Variants in SCAPER observed in about 807,000 individuals in gnomAD.
SCAPER encodes S phase cyclin A-associated protein in the endoplasmic reticulum.
SCAPER carries 98 observed loss-of-function variants against 182.2 expected under a neutral mutation model. The ratio of observed to expected loss-of-function variants is 0.54; its 90% CI spans 0.46 to 0.64. The LOEUF (loss-of-function observed/expected upper bound fraction) is 0.64, where lower values mean the gene tolerates loss of function less well. Ranked by LOEUF, SCAPER falls within the 30% of genes least tolerant of loss-of-function variation. The pLI, the probability that SCAPER is intolerant of heterozygous loss-of-function variation, is 0.00. For synonymous variants in SCAPER, 605 were observed against 564.6 expected, an observed-to-expected ratio of 1.07 and a Z score of -1.01; for missense variants, 1,432 against 1,690.0, an observed-to-expected ratio of 0.85 and a Z score of 2.68.
rs143837258 is a variant in SCAPER, at chr15:76,805,101, G to A, written c.394-468C>T. ...TTTCAAGGTTCAACCACCTGGTAGCGTGTATCAGTACTTCATTTCTTTTTA... is the reference window on the plus strand; with the variant it reads ...TTTCAAGGTTCAACCACCTGGTAGCATGTATCAGTACTTCATTTCTTTTTA... On this transcript the variant is annotated intron_variant, in intron 5 of 31. Coordinates refer to ENST00000563290, the MANE Select transcript of SCAPER (RefSeq NM_020843.4). 5.5e-4 allele frequency among the ~76,000 whole-genome samples: 83 copies of A among 152,194 alleles called. 1 individual carries two copies. The East Asian group carries it at 0.013, about 24-fold the overall frequency.
At chr15:76,443,222 T>C (rs999748731) in intron 25 of SCAPER, among the ~76,000 whole-genome samples, 10 of 152,292 alleles carry the variant, frequency 6.6e-5, no homozygotes, top group Middle Eastern at 3.4e-3. Context: ...ATGTGTATTT[T>C]GAAAAAACTA....
intron 28 of SCAPER, 110 bp downstream of exon 28, chr15:76,381,268 A>G: frequency 1.4e-6 from 1 of 725,064 alleles, no homozygotes; most frequent in Non-Finnish European, 2.3e-6. Context: ...AATTCCATTT[A>G]TTGTAGTTTA....
chr15:76,642,044 C>T (rs2054147779), intron 21 of SCAPER, among the ~76,000 whole-genome samples: 1 of 152,038 alleles, frequency 6.6e-6, no homozygotes, highest in Non-Finnish European at 1.5e-5. Context: ...TGTTAACCTC[C>T]CAGAATTATG....
chr15:76,497,109 CTT>C (rs57202860), intron 24 of SCAPER, among the ~76,000 whole-genome samples: 7 of 86,716 alleles, frequency 8.1e-5, no homozygotes, highest in Admixed American at 2.9e-4. Context: ...TTGGTCTCCT[CTT>C]TTTTTTTTTT....
intron 8 of SCAPER, among the ~76,000 whole-genome samples, chr15:76,792,463 C>T (rs1184216870): frequency 1.3e-5 from 2 of 152,158 alleles, no homozygotes; most frequent in Non-Finnish European, 2.9e-5. Flanking sequence ...ACATGCCACT[C>T]CCATTGTTGA....
At chr15:76,506,598 G>GA (rs765803767) in intron 23 of SCAPER, among the ~76,000 whole-genome samples, 1 of 152,066 alleles carries the variant, frequency 6.6e-6, no homozygotes, top group Non-Finnish European at 1.5e-5. Flanking sequence ...ACATGTAAAA[G>GA]AAAGTGGGAA....
chr15:76,879,632 A>G (rs1228945362), intron 2 of SCAPER, among the ~76,000 whole-genome samples: 2 of 152,180 alleles, frequency 1.3e-5, no homozygotes, highest in Non-Finnish European at 2.9e-5. Flanking sequence ...ATTTTTGATG[A>G]CACTGTTGAG....
rs1005208884 is a variant in SCAPER, at chr15:76,434,266, T to G, written c.3123A>C (p.Thr1041=). 1.1e-5 allele frequency: 18 copies of G among 1,613,546 alleles called. No homozygotes were observed. The highest frequency in any genetic ancestry group is 1.5e-5 in the Non-Finnish European group (18 of 1,179,714). Residue 1041 remains threonine (T), a synonymous_variant, in exon 26 of 32, where the codon ACA becomes ACC. Transcript: ENST00000563290. ...DENNTILGRN[T]NKQVFEGLTT... is the part of the protein sequence containing the mutation. ...TCAAGCCTTCAAAAACTTGTTTATT[T>G]GTATTTCTCCCCAAAATAGTATTAT... is the stretch of plus-strand genomic sequence containing the variant.
chr15:76,837,314 A>G (rs1401668733), intron 5 of SCAPER, among the ~76,000 whole-genome samples: 1 of 152,206 alleles, frequency 6.6e-6, no homozygotes, highest in African/African-American at 2.4e-5. Flanking sequence ...CACTACTAAT[A>G]AAGACATACT....
At chr15:76,836,188 C>T (rs1162713072) in intron 5 of SCAPER, among the ~76,000 whole-genome samples, 7 of 152,100 alleles carry the variant, frequency 4.6e-5, no homozygotes, top group African/African-American at 1.7e-4. Context: ...TCCTAACTAC[C>T]AATGTCATTT....
chr15:76,872,080 G>A (rs997531987), intron 2 of SCAPER, among the ~76,000 whole-genome samples: 4 of 151,626 alleles, frequency 2.6e-5, no homozygotes, highest in Non-Finnish European at 5.9e-5. Flanking sequence ...TCAACAAATC[G>A]CTTTAACCAC....
At chr15:76,374,734 GCCTC>G (rs2042424498) in intron 29 of SCAPER, among the ~76,000 whole-genome samples, 2 of 151,726 alleles carry the variant, frequency 1.3e-5, no homozygotes, top group African/African-American at 2.4e-5. Context: ...TGATCCACCT[GCCTC>G]GGCTTCCCAA....
intron 2 of SCAPER, among the ~76,000 whole-genome samples, chr15:76,872,840 G>A (rs975268104): frequency 3.3e-5 from 5 of 151,880 alleles, no homozygotes; most frequent in African/African-American, 7.3e-5. Context: ...GAAAAACAAA[G>A]TGTATCACAA....
intron 24 of SCAPER, 85 bp downstream of exon 24, chr15:76,504,774 T>A: frequency 9.0e-7 from 1 of 1,105,376 alleles, no homozygotes; most frequent in Non-Finnish European, 1.3e-6. Flanking sequence ...ACATACAATT[T>A]TCTTGTGGTT....
At chr15:76,687,146 TAAC>T (rs1337736196) in intron 20 of SCAPER, among the ~76,000 whole-genome samples, 3 of 152,150 alleles carry the variant, frequency 2.0e-5, no homozygotes, top group East Asian at 1.9e-4. Context: ...TGTGAAGAAA[TAAC>T]AATAATAGCA....
intron 26 of SCAPER, among the ~76,000 whole-genome samples, chr15:76,406,473 A>G (rs2044839554): frequency 6.6e-6 from 1 of 151,766 alleles, no homozygotes; most frequent in East Asian, 1.9e-4. Flanking sequence ...GTGAGACTCC[A>G]TCTCAAGAAA....
At chr15:76,810,044 A>AC (rs2066472565) in intron 5 of SCAPER, among the ~76,000 whole-genome samples, 1 of 152,184 alleles carries the variant, frequency 6.6e-6, no homozygotes, top group South Asian at 2.1e-4. Context: ...AAAGACTTCC[A>AC]AAGACAAACA....
rs192036114 is a variant in SCAPER at position 76,368,828 on chromosome 15, T to C, written c.3855+7334A>G. On this transcript the variant is annotated intron_variant, in intron 29 of 31. Coordinates refer to ENST00000563290, the MANE Select transcript of SCAPER (RefSeq NM_020843.4). ...ATGCAGGCAGTCAAATCATCAGTCA[T>C]TTGAGTTAATTTAATTATCAGACCA... is the stretch of plus-strand genomic sequence containing the variant. Among the ~76,000 whole-genome samples the C allele has an allele frequency of 4.2e-3, 643 of 152,290 alleles. 1 individual carries two copies. Among genetic ancestry groups the C allele is most frequent in the Non-Finnish European group, 6.8e-3 (461 of 68,020 alleles).
intron 14 of SCAPER, 76 bp from the exon 15 acceptor site, chr15:76,754,024 C>A: frequency 1.4e-6 from 2 of 1,461,642 alleles, no homozygotes; most frequent in South Asian, 1.3e-5. Flanking sequence ...AAGTAAATGG[C>A]TTATGAAATA....
Sources: allele counts gnomAD v4.1 joint callset (sites outside exome capture counted in the v4.1 genomes callset), GRCh38; gene constraint gnomAD v4.1.1; transcripts MANE v1.5; gene names NCBI Gene and HGNC (gene_info 2026-07-23, HGNC 2026-07-21).